SLC24A2: variants seen among roughly 807,000 people sequenced by gnomAD.
SLC24A2 encodes solute carrier family 24 member 2, also known as sodium/potassium/calcium exchanger 2.
SLC24A2 carries 36 observed loss-of-function variants against 62.0 expected under a neutral mutation model. The observed-to-expected ratio is 0.58, with a 90% CI of 0.44 to 0.77. The LOEUF (loss-of-function observed/expected upper bound fraction) is 0.77, where lower values mean the gene tolerates loss of function less well. Ranked by LOEUF, SLC24A2 falls within the 30% of genes least tolerant of loss-of-function variation. The pLI, the probability that SLC24A2 is intolerant of heterozygous loss-of-function variation, is 0.00. For missense variants in SLC24A2, 846 were observed against 817.9 expected (o/e 1.03, Z -0.42); for synonymous variants, 358 against 294.0 (o/e 1.22, Z -2.23).
At chr9:19,544,805 T>C (rs111826747) in intron 8 of SLC24A2, among the ~76,000 whole-genome samples, 93 of 152,364 alleles carry the variant, frequency 6.1e-4, no homozygotes, top group African/African-American at 2.1e-3. Context: ...GCTGTTGGTC[T>C]GATGGGCTTC....
chr9:20,175,359 A>G, the SLC24A2 span, among the ~76,000 whole-genome samples: 1 of 151,924 alleles, frequency 6.6e-6, no homozygotes, highest in Non-Finnish European at 1.5e-5. Context: ...ATCAAAGACC[A>G]CCTATTCTCC....
chr9:19,755,510 T>C (rs1405276736), intron 2 of SLC24A2, among the ~76,000 whole-genome samples: 2 of 152,120 alleles, frequency 1.3e-5, no homozygotes, highest in East Asian at 1.9e-4. Context: ...GTTACGGAAA[T>C]AGTGTGAAAC....
At chr9:20,307,816 G>T in the SLC24A2 span, among the ~76,000 whole-genome samples, 4 of 152,246 alleles carry the variant, frequency 2.6e-5, no homozygotes, top group East Asian at 1.9e-4. Flanking sequence ...GATAACATCC[G>T]CTTCTCCCAG....
chr9:19,542,427 T>A (rs1291394274), intron 8 of SLC24A2, among the ~76,000 whole-genome samples: 1 of 152,162 alleles, frequency 6.6e-6, no homozygotes, highest in African/African-American at 2.4e-5. Context: ...TGAACACCCT[T>A]TGTTTCTTTC....
At chr9:19,579,549 T>C (rs1836141954) in intron 5 of SLC24A2, among the ~76,000 whole-genome samples, 1 of 152,176 alleles carries the variant, frequency 6.6e-6, no homozygotes. Flanking sequence ...GGTCTCAGGG[T>C]TATTGTTTGA....
At chr9:19,589,478 G>C (rs1196511516) in intron 5 of SLC24A2, among the ~76,000 whole-genome samples, 1 of 152,144 alleles carries the variant, frequency 6.6e-6, no homozygotes, top group East Asian at 1.9e-4. Context: ...TTTTACTTAT[G>C]TGTGCATGTA....
intron 6 of SLC24A2, among the ~76,000 whole-genome samples, chr9:19,574,071 T>C (rs1835936830): frequency 6.6e-6 from 1 of 152,174 alleles, no homozygotes; most frequent in Non-Finnish European, 1.5e-5. Flanking sequence ...TTGGGAATCT[T>C]ATCTGTGAAA....
the SLC24A2 span, among the ~76,000 whole-genome samples, chr9:20,228,629 G>A: frequency 6.6e-6 from 1 of 152,058 alleles, no homozygotes; most frequent in African/African-American, 2.4e-5. Context: ...GAGAGAAGAA[G>A]GGTGAACGCC....
In SLC24A2 at chr9:19,515,984, T is replaced by A. The variant is rs540186215; in HGVS notation, c.*169A>T. On this transcript the variant is annotated 3_prime_UTR_variant, in exon 11 of 11. Transcript: ENST00000341998. ...CAGTAGGCAGGGTGGAAGCAGCCTGTGAAGTGAATGGGCCCAGTGTGAATC... is the reference window on the plus strand; with the variant it reads ...CAGTAGGCAGGGTGGAAGCAGCCTGAGAAGTGAATGGGCCCAGTGTGAATC... 2 of 827,730 alleles carry A rather than the reference T, an allele frequency of 2.4e-6. No individual in the cohort carries two copies. The highest frequency in any genetic ancestry group is 5.0e-5 in the East Asian group (2 of 40,264). The allele number at this position is 827,730 out of a possible 1,614,324, so 51.3% of individuals were successfully genotyped here. A position where few individuals can be genotyped will look rare whatever the true frequency, so the allele number is the denominator to read the frequency against.
chr9:20,038,344 T>C, the SLC24A2 span, among the ~76,000 whole-genome samples: 1 of 152,200 alleles, frequency 6.6e-6, no homozygotes, highest in Non-Finnish European at 1.5e-5. Flanking sequence ...GCCCTTGTCA[T>C]TGTTTCAACT....
chr9:19,824,848 A>G, the SLC24A2 span, among the ~76,000 whole-genome samples: 132,137 of 152,092 alleles, frequency 0.87, 58,139 homozygotes, highest in Non-Finnish European at 0.94. Context: ...CCATAAAAAA[A>G]GATGAGTTCA....
At chr9:20,049,198 C>G in the SLC24A2 span, among the ~76,000 whole-genome samples, 25 of 150,786 alleles carry the variant, frequency 1.7e-4, no homozygotes, top group Admixed American at 6.6e-5. Flanking sequence ...GGAAGTAGCC[C>G]AAACAGGAAG....
At chr9:19,936,249 T>A in the SLC24A2 span, among the ~76,000 whole-genome samples, 2 of 152,180 alleles carry the variant, frequency 1.3e-5, no homozygotes, top group Admixed American at 1.3e-4. Context: ...CTTCTTGAAT[T>A]TGTGTTGTTA....
At chr9:19,673,444 C>CGTGTGT (rs58616827) in intron 2 of SLC24A2, among the ~76,000 whole-genome samples, 58,490 of 129,776 alleles carry the variant, frequency 0.45, 15,793 homozygotes, top group East Asian at 0.7. Context: ...TGTGTGTGTG[C>CGTGTGT]GTGTGTGTGT....
At chr9:19,776,651 G>A (rs1822855330) in intron 2 of SLC24A2, among the ~76,000 whole-genome samples, 1 of 152,158 alleles carries the variant, frequency 6.6e-6, no homozygotes, top group Non-Finnish European at 1.5e-5. Flanking sequence ...CCCACAGCAT[G>A]CTTAAGCTAA....
At chr9:19,640,567 G>C (rs532261392) in intron 2 of SLC24A2, among the ~76,000 whole-genome samples, 2 of 150,102 alleles carry the variant, frequency 1.3e-5, no homozygotes, top group East Asian at 3.9e-4. Flanking sequence ...ATTTAAGGCA[G>C]TACCAAAAAA....
At chr9:19,897,714 G>T in the SLC24A2 span, among the ~76,000 whole-genome samples, 4 of 152,144 alleles carry the variant, frequency 2.6e-5, no homozygotes, top group Admixed American at 2.6e-4. Context: ...ATAACCCCAT[G>T]AGGTAGGTAT....
At chr9:19,666,531 A>C (rs1398158259) in intron 2 of SLC24A2, among the ~76,000 whole-genome samples, 1 of 152,180 alleles carries the variant, frequency 6.6e-6, no homozygotes, top group Non-Finnish European at 1.5e-5. Flanking sequence ...TCCCTTTAAT[A>C]TCTCAAGAAA....
chr9:20,198,357 T>C, the SLC24A2 span, among the ~76,000 whole-genome samples: 21 of 152,234 alleles, frequency 1.4e-4, no homozygotes, highest in Non-Finnish European at 2.8e-4. Flanking sequence ...GTCATTTGCA[T>C]TGCATGCAGT....
Sources: gnomAD v4.1 joint callset for allele counts (sites outside exome capture counted in the v4.1 genomes callset) on GRCh38, gnomAD v4.1.1 for gene constraint, MANE v1.5 for transcripts, NCBI Gene and HGNC (gene_info 2026-07-23, HGNC 2026-07-21) for gene names.